Variants in CALN1 observed in about 807,000 individuals in gnomAD.
CALN1 encodes calneuron 1.
In CALN1, 17 loss-of-function variants were observed where a neutral mutation model predicts 30.6. The observed-to-expected ratio is 0.56, with a 90% confidence interval of 0.38 to 0.83. The LOEUF (loss-of-function observed/expected upper bound fraction) is 0.83. Ranked by LOEUF, CALN1 falls within the 40% of genes least tolerant of loss-of-function variation. The pLI is 0.00. For missense variants in CALN1, 291 were observed against 354.9 expected (o/e 0.82, Z 1.45); for synonymous variants, 156 against 131.4 (o/e 1.19, Z -1.28).
the CALN1 span, among the ~76,000 whole-genome samples, chr7:72,494,428 G>A: frequency 6.6e-6 from 1 of 152,344 alleles, no homozygotes; most frequent in South Asian, 2.1e-4. Flanking sequence ...GCCAGGCACT[G>A]TCCTGGTAGT....
chr7:72,070,481 A>G (rs147689618), intron 4 of CALN1, among the ~76,000 whole-genome samples: 1 of 152,204 alleles, frequency 6.6e-6, no homozygotes, highest in Non-Finnish European at 1.5e-5. Context: ...GCAACCTCAA[A>G]TATTAAATAT....
At chr7:72,379,910 G>A (rs1481314098) in intron 2 of CALN1, among the ~76,000 whole-genome samples, 3 of 152,142 alleles carry the variant, frequency 2.0e-5, no homozygotes, top group African/African-American at 4.8e-5. Flanking sequence ...GGCATCACAT[G>A]CAACCTTCTC....
intron 5 of CALN1, among the ~76,000 whole-genome samples, chr7:71,982,744 T>C (rs1480860807): frequency 6.6e-6 from 1 of 152,196 alleles, no homozygotes; most frequent in Non-Finnish European, 1.5e-5. Context: ...CAGTAAAGTC[T>C]TCCTTTCAGT....
At chr7:71,959,967 C>G (rs933659235) in intron 5 of CALN1, among the ~76,000 whole-genome samples, 1 of 151,788 alleles carries the variant, frequency 6.6e-6, no homozygotes, top group Non-Finnish European at 1.5e-5. Flanking sequence ...AACCCCATCT[C>G]TACTAAAAAT....
chr7:71,939,106 A>G (rs1357536015), intron 5 of CALN1, among the ~76,000 whole-genome samples: 1 of 152,170 alleles, frequency 6.6e-6, no homozygotes, highest in Admixed American at 6.5e-5. Context: ...TAAAGACAGC[A>G]TGCATTTTAA....
chr7:72,082,090 G>C (rs891121581), intron 4 of CALN1, among the ~76,000 whole-genome samples: 8 of 151,976 alleles, frequency 5.3e-5, no homozygotes, highest in African/African-American at 1.9e-4. Flanking sequence ...GGGTTCAAGC[G>C]ATTCTCCAGC....
At chr7:72,076,594 G>A (rs567303954) in intron 4 of CALN1, among the ~76,000 whole-genome samples, 23 of 75,740 alleles carry the variant, frequency 3.0e-4, no homozygotes, top group African/African-American at 9.0e-4. Context: ...GTGAAACTCC[G>A]TCTAGAAAAA....
At chr7:71,885,448 A>C (rs1256272683) in intron 5 of CALN1, among the ~76,000 whole-genome samples, 3 of 152,190 alleles carry the variant, frequency 2.0e-5, no homozygotes, top group Non-Finnish European at 2.9e-5. Flanking sequence ...CACCGCCCCC[A>C]GCCGCCAATG....
intron 3 of CALN1, among the ~76,000 whole-genome samples, chr7:72,137,387 TATA>T (rs1809586461): frequency 2.0e-5 from 3 of 152,308 alleles, no homozygotes; most frequent in South Asian, 4.1e-4. Flanking sequence ...TCCTAACAGA[TATA>T]ATAATGAAAG....
chr7:72,103,576 T>C (rs978918816), intron 4 of CALN1, among the ~76,000 whole-genome samples: 5 of 152,106 alleles, frequency 3.3e-5, no homozygotes, highest in African/African-American at 1.2e-4. Flanking sequence ...CAACTTGGGA[T>C]TGTTGAGCCA....
chr7:71,857,577 C>T lies in CALN1; in HGVS notation c.502-47085G>A, dbSNP rs543142288. ...GTCTCCAGACAACTGGCTGTCTCACCGACTCCTCTTCCCTCTCCTCCCCCT... is the reference window on the plus strand; with the variant it reads ...GTCTCCAGACAACTGGCTGTCTCACTGACTCCTCTTCCCTCTCCTCCCCCT... On this transcript the variant is annotated intron_variant, in intron 5 of 6. Transcript: ENST00000395275. Among the ~76,000 whole-genome samples, 44 of 152,194 alleles carry T rather than the reference C, an allele frequency of 2.9e-4. 1 individual carries two copies. Among genetic ancestry groups the T allele is most frequent in the East Asian group, 1.4e-3 (7 of 5,160 alleles).
At chr7:72,070,515 T>C (rs1321132038) in intron 4 of CALN1, among the ~76,000 whole-genome samples, 1 of 152,210 alleles carries the variant, frequency 6.6e-6, no homozygotes, top group African/African-American at 2.4e-5. Flanking sequence ...TTCATAATTA[T>C]TGGTGATTCA....
At chr7:72,196,372 G>C (rs1791002592) in intron 3 of CALN1, among the ~76,000 whole-genome samples, 1 of 152,122 alleles carries the variant, frequency 6.6e-6, no homozygotes, top group African/African-American at 2.4e-5. Context: ...ACCCTCTCTG[G>C]CCTCCCAAAG....
chr7:72,328,199 G>C (rs1801416937), intron 2 of CALN1, among the ~76,000 whole-genome samples: 1 of 152,132 alleles, frequency 6.6e-6, no homozygotes, highest in Non-Finnish European at 1.5e-5. Flanking sequence ...GTCAAAACAT[G>C]TAATACAGTT....
At chr7:71,963,408 G>T (rs1038875857) in intron 5 of CALN1, among the ~76,000 whole-genome samples, 2 of 152,058 alleles carry the variant, frequency 1.3e-5, no homozygotes, top group Non-Finnish European at 2.9e-5. Flanking sequence ...TGATCCACCT[G>T]CCTCAGCCTC....
intron 2 of CALN1, chr7:72,336,901 G>A (rs1218063997): frequency 1.2e-5 from 12 of 984,114 alleles, no homozygotes; most frequent in African/African-American, 3.5e-5. Context: ...CTCCCTCGGC[G>A]CCCCCGGGCC....
intron 2 of CALN1, among the ~76,000 whole-genome samples, chr7:72,306,398 A>G (rs912329392): frequency 6.6e-6 from 1 of 152,172 alleles, no homozygotes; most frequent in Non-Finnish European, 1.5e-5. Flanking sequence ...AGCCACTATA[A>G]GCCTTCAGAA....
At position 72,023,737 on chromosome 7, in the gene CALN1, T is replaced by C; in HGVS notation, c.421A>G (p.Thr141Ala). ...GACACCAGTTTGGGGCCAAGAATGG[T>C]CATGAATTCATCAAAATCCACCTGG... ...DGQVDFDEFM[T>A]ILGPKLVSSE... The change falls in exon 5 of 7, where the codon ACC becomes GCC. Residue 141 changes from threonine to alanine, a missense_variant. Coordinates refer to ENST00000395275, the MANE Select transcript of CALN1 (RefSeq NM_031468.4). 2.5e-6 allele frequency: 4 copies of C among 1,613,932 alleles called. No homozygotes were observed. The highest frequency in any genetic ancestry group is 1.6e-4 in the Middle Eastern group (1 of 6,062).
chr7:71,925,094 A>G (rs1449244678), intron 5 of CALN1, among the ~76,000 whole-genome samples: 6 of 152,082 alleles, frequency 3.9e-5, no homozygotes, highest in Non-Finnish European at 8.8e-5. Flanking sequence ...CACAAAAATT[A>G]GCTGGGCATG....
Sources: gnomAD v4.1 joint callset for allele counts (sites outside exome capture counted in the v4.1 genomes callset) on GRCh38, gnomAD v4.1.1 for gene constraint, MANE v1.5 for transcripts, NCBI Gene and HGNC (gene_info 2026-07-23, HGNC 2026-07-21) for gene names.